AKAP8: variants seen among roughly 807,000 people sequenced by gnomAD.
AKAP8 encodes A-kinase anchoring protein 8, also known as A-kinase anchor protein 8.
In AKAP8, 24 loss-of-function variants were observed where a neutral mutation model predicts 67.5. The ratio of observed to expected loss-of-function variants is 0.36; its 90% confidence interval spans 0.26 to 0.50. The LOEUF (loss-of-function observed/expected upper bound fraction) is 0.50, where lower values mean the gene tolerates loss of function less well. AKAP8 is among the 20% of genes least tolerant of loss of function. The probability of loss-of-function intolerance (pLI) is 0.97; values close to 1 mark genes in which losing one functional copy is unlikely to be tolerated. For missense variants in AKAP8, 971 were observed against 955.9 expected, an observed-to-expected ratio of 1.02 and a Z score of -0.21; for synonymous variants, 400 against 371.1, an observed-to-expected ratio of 1.08 and a Z score of -0.90.
intron 2 of AKAP8, 78 bp downstream of exon 2, chr19:15,376,898 C>T (rs1448643597): frequency 6.5e-7 from 1 of 1,543,558 alleles, no homozygotes; most frequent in Non-Finnish European, 8.8e-7. Context: ...TCTCCCTTGA[C>T]CCAAGTTCAG....
At chr19:15,376,576 A>T (rs1453516881) in intron 2 of AKAP8, among the ~76,000 whole-genome samples, 1 of 152,196 alleles carries the variant, frequency 6.6e-6, no homozygotes, top group African/African-American at 2.4e-5. Flanking sequence ...GGGTGGGCGT[A>T]TGAAACTCCA....
Position 15,373,129 on chromosome 19 carries a change from A to G in AKAP8, c.583T>C (p.Phe195Leu). ...GFMRGRGQGR[F>L]QDRSNPGTFM... ...GTGCCAGGGTTGCTCCGGTCCTGGAAGCGGCCCTGGCCCCGGCCCCGCATG... is the reference window on the plus strand; with the variant it reads ...GTGCCAGGGTTGCTCCGGTCCTGGAGGCGGCCCTGGCCCCGGCCCCGCATG... Residue 195 changes from phenylalanine to leucine, a missense_variant, in exon 5 of 14, where the codon TTC becomes CTC. Around this residue, in one of 3 missense-constraint regions of AKAP8, gnomAD observed 763 missense variants for 745.4 expected, o/e 1.02. Coordinates refer to ENST00000269701, the MANE Select transcript of AKAP8 (RefSeq NM_005858.4). The G allele has an allele frequency of 6.2e-7, 1 of 1,612,916 alleles. No homozygotes were observed. The highest frequency in any genetic ancestry group is 8.5e-7 in the Non-Finnish European group (1 of 1,179,860).
chr19:15,373,081 C>T lies in AKAP8; in HGVS notation c.631G>A (p.Val211Met), dbSNP rs532876878. The change falls in exon 5 of 14, where the codon GTG becomes ATG. Residue 211 changes from valine to methionine, a missense_variant. Physicochemically the swap from Val to Met is conservative, Grantham distance 21 (BLOSUM62 1). Transcript: ENST00000269701. ...PGTFMRSDPF[V>M]PPAASSEPLS... Reference sequence around the variant, plus strand: ...GGCTCAGAGGACGCAGCGGGGGGCACGAAGGGGTCGCTGCGCATGAAGGTG... The same window carrying T: ...GGCTCAGAGGACGCAGCGGGGGGCATGAAGGGGTCGCTGCGCATGAAGGTG... 157 of 1,610,964 alleles carry T rather than the reference C, an allele frequency of 9.7e-5. No homozygotes were observed. In the Admixed American group the frequency reaches 1.9e-3, roughly 20 times the overall value.
At chr19:15,361,865 G>A (rs927432645) in intron 10 of AKAP8, 43 bp from the exon 11 acceptor site, 12 of 1,556,148 alleles carry the variant, frequency 7.7e-6, no homozygotes, top group Non-Finnish European at 1.1e-5. Flanking sequence ...TGAGAGGTGG[G>A]CGCATGTGGG....
Position 15,361,783 on chromosome 19 carries a change from G to C in AKAP8, c.1342C>G (p.Arg448Gly). The part of the protein sequence containing the change: ...VNRNKKIEKR[R>G]QELMEKETAK... ...GTTTCTTTCTCCATCAATTCCTGAC[G>C]CCGCTTCTCAATTTTCTTATTTCTG... Residue 448 changes from arginine to glycine, a missense_variant, in exon 11 of 14, where the codon CGT becomes GGT. Transcript: ENST00000269701. 1.2e-6 allele frequency: 2 copies of C among 1,614,030 alleles called. No individual in the cohort carries two copies. The highest frequency in any genetic ancestry group is 1.3e-5 in the African/African-American group (1 of 75,034).
In AKAP8 at chr19:15,371,909, G is replaced by A. The variant is rs76108424; in HGVS notation, c.1038+43C>T. 514 of 1,606,842 alleles carry A rather than the reference G, an allele frequency of 3.2e-4. 5 individuals carry two copies. In the East Asian group the frequency reaches 0.011, roughly 34 times the overall value. On this transcript the variant is annotated intron_variant, in intron 7 of 13. Coordinates refer to ENST00000269701, the MANE Select transcript of AKAP8 (RefSeq NM_005858.4). ...TGAGGAAGGGTGATTAAAGAAAGAA[G>A]AAATCCCACACTAGAGGCAAAAGGG...
Position 15,372,055 on chromosome 19 carries a change from C to T in AKAP8, c.992-57G>A, listed in dbSNP as rs369487251. On this transcript the variant is annotated intron_variant, in intron 6 of 13. Coordinates refer to ENST00000269701, the MANE Select transcript of AKAP8 (RefSeq NM_005858.4). ...CCCGGAGAACGGTCCCATCCGGTTT[C>T]CGCCCTCCCAAGCTCGCCATCCAGG... 8.1e-6 allele frequency: 13 copies of T among 1,612,194 alleles called. No individual in the cohort carries two copies. In the African/African-American group the frequency reaches 1.6e-4, roughly 20 times the overall value.
chr19:15,361,204 A>G (rs971409652), intron 11 of AKAP8, among the ~76,000 whole-genome samples: 3 of 152,160 alleles, frequency 2.0e-5, no homozygotes, highest in Non-Finnish European at 4.4e-5. Flanking sequence ...CCAAGGAGGA[A>G]AAGATATGAA....
At chr19:15,374,133 G>A (rs988102278) in intron 3 of AKAP8, 68 bp from the exon 4 acceptor site, 51 of 1,499,248 alleles carry the variant, frequency 3.4e-5, no homozygotes, top group African/African-American at 5.6e-5. Context: ...GGACACAACC[G>A]GGGAGGGGCA....
At chr19:15,364,034 GA>G (rs1052163240) in intron 9 of AKAP8, among the ~76,000 whole-genome samples, 39 of 129,408 alleles carry the variant, frequency 3.0e-4, no homozygotes, top group African/African-American at 1.1e-3. Context: ...CCCTCTGCGA[GA>G]AACACCCAAG....
At chr19:15,368,149 A>C in intron 9 of AKAP8, 86 bp downstream of exon 9, 1 of 1,553,788 alleles carries the variant, frequency 6.4e-7, no homozygotes, top group Non-Finnish European at 8.7e-7. Context: ...GGCCCCCAGC[A>C]TTGTGGAGCG....
rs547117305 is a variant in AKAP8, at chr19:15,369,442, C to T, written c.1072+704G>A. On this transcript the variant is annotated intron_variant, in intron 8 of 13. Transcript: ENST00000269701. This position sits in a 1 kb window ranked among gnomAD's most constrained non-coding sequence, Gnocchi z 4.6. ...CTATGATCCTTGGGGTAACCAGCTA[C>T]GGAAAGACCCACAGGACAGGTAAAG... Among the ~76,000 whole-genome samples, 94 of 152,320 alleles carry T rather than the reference C, an allele frequency of 6.2e-4. 3 individuals carry two copies. The South Asian group carries it at 0.019, about 31-fold the overall frequency.
intron 13 of AKAP8, among the ~76,000 whole-genome samples, chr19:15,358,148 T>C (rs1411709554): frequency 1.3e-5 from 2 of 152,146 alleles, no homozygotes; most frequent in African/African-American, 2.4e-5. Flanking sequence ...GGATGAACAC[T>C]GAGCAAAATG....
chr19:15,379,741 G>T lies in AKAP8; in HGVS notation c.-10C>A, dbSNP rs761452803. 13 of 1,611,262 alleles carry T rather than the reference G, an allele frequency of 8.1e-6. No homozygotes were observed. The highest frequency in any genetic ancestry group is 1.0e-5 in the Non-Finnish European group (12 of 1,178,990). The stretch of plus-strand genomic sequence containing the variant: ...CGTAGCCCTGGTCCATGTCTTCGAC[G>T]CGGCCCACCAGCAGCCCCGTTTACT... On this transcript the variant is annotated 5_prime_UTR_variant, in exon 1 of 14. Transcript: ENST00000269701.
intron 13 of AKAP8, among the ~76,000 whole-genome samples, chr19:15,356,684 G>C (rs2048280724): frequency 6.6e-6 from 1 of 152,096 alleles, no homozygotes; most frequent in South Asian, 2.1e-4. Context: ...CAAACTAAAA[G>C]TTATCATTAC....
At position 15,368,276 on chromosome 19, in the gene AKAP8, C is replaced by T; in HGVS notation, c.1119G>A (p.Lys373=). 1.2e-6 allele frequency: 2 copies of T among 1,613,632 alleles called. No homozygotes were observed. Among genetic ancestry groups the T allele is most frequent in the Admixed American group, 1.7e-5 (1 of 60,026 alleles). ...CCCGCGTCCTGTCTCTTCTCCTTTG[C>T]TTTTCCCTTCTCTTCTTCACATCCT... ...EDEDVKKRRE[K]QRRRDRTRDR... Residue 373 remains lysine, a synonymous_variant, in exon 9 of 14, where the codon AAG becomes AAA. Transcript: ENST00000269701.
Position 15,370,519 on chromosome 19 carries a change from A to G in AKAP8, c.1039-340T>C, listed in dbSNP as rs373715811. 1.8e-3 allele frequency among the ~76,000 whole-genome samples: 268 copies of G among 152,052 alleles called. 1 individual carries two copies. The highest frequency in any genetic ancestry group is 0.01 in the Middle Eastern group (3 of 294). On this transcript the variant is annotated intron_variant, in intron 7 of 13. Coordinates refer to ENST00000269701, the MANE Select transcript of AKAP8 (RefSeq NM_005858.4). ...TTCTATGAATGGAGCCTGTTCACCA[A>G]CCGTAGGGAGATAGAGTCTCACTTG...
At chr19:15,356,195 T>G (rs1474050987) in intron 13 of AKAP8, among the ~76,000 whole-genome samples, 1 of 149,346 alleles carries the variant, frequency 6.7e-6, no homozygotes, top group African/African-American at 2.5e-5. Flanking sequence ...GGTCAGGAGA[T>G]GGACACCATC....
At chr19:15,370,516 C>G (rs1281862103) in intron 7 of AKAP8, among the ~76,000 whole-genome samples, 2 of 152,216 alleles carry the variant, frequency 1.3e-5, no homozygotes, top group East Asian at 3.9e-4. Flanking sequence ...AGCCTGTTCA[C>G]CAACCGTAGG....
Sources: gnomAD v4.1 joint callset for allele counts (sites outside exome capture counted in the v4.1 genomes callset) on GRCh38, gnomAD v4.1.1 for gene constraint, gnomAD v4.1.1 regional missense constraint, Gnocchi (gnomAD v3.1) non-coding constraint, MANE v1.5 for transcripts, NCBI Gene and HGNC (gene_info 2026-07-23, HGNC 2026-07-21) for gene names.